The following CCDC15 variants were observed in gnomAD, a reference collection of about 807,000 sequenced individuals.
CCDC15 encodes coiled-coil domain-containing protein 15.
In CCDC15, 105 loss-of-function variants were observed where a neutral mutation model predicts 114.5. The ratio of observed to expected loss-of-function variants is 0.92; its 90% CI spans 0.78 to 1.08. CCDC15 has a LOEUF of 1.08. CCDC15 is among the 50% of genes least tolerant of loss of function. CCDC15 has a pLI of 0.00. For missense variants in CCDC15, 1,105 were observed against 1,093.6 expected (o/e 1.01, Z -0.15); for synonymous variants, 334 against 377.8 (o/e 0.88, Z 1.34).
chr11:124,986,698 TGTGCGCGCGCGC>T (rs1948163755), intron 6 of CCDC15, 32 bp from the exon 7 acceptor site: 1 of 1,436,570 alleles, frequency 7.0e-7, no homozygotes, highest in Non-Finnish European at 9.2e-7. Flanking sequence ...TGTTTGTGTG[TGTGCGCGCGCGC>T]GCGTGCGCGT....
chr11:125,011,239 A>ATTT (rs1398467750), intron 13 of CCDC15, among the ~76,000 whole-genome samples: 3,352 of 135,090 alleles, frequency 0.025, 53 homozygotes, highest in African/African-American at 0.036. Context: ...TATTATTATT[A>ATTT]TTATTATTAT....
rs774064065 is a variant in CCDC15, at chr11:124,988,158, A to G, written c.1908+24A>G. 13 of 1,584,054 alleles carry G rather than the reference A, an allele frequency of 8.2e-6. No homozygotes were observed. The South Asian group carries it at 1.5e-4, about 19-fold the overall frequency. On this transcript the variant is annotated intron_variant, in intron 8 of 15. Transcript: ENST00000344762. The stretch of plus-strand genomic sequence containing the variant: ...AGGTAAAATAGAGCAGAAAGGAGAT[A>G]CAAAAAGAAGAAATAAGCTACTTAG...
At chr11:124,995,977 G>A (rs1442405213) in intron 11 of CCDC15, among the ~76,000 whole-genome samples, 1 of 151,856 alleles carries the variant, frequency 6.6e-6, no homozygotes, top group Non-Finnish European at 1.5e-5. Flanking sequence ...CTACAGGCAT[G>A]TGCTACCAAG....
intron 6 of CCDC15, among the ~76,000 whole-genome samples, chr11:124,981,345 T>C (rs1020915345): frequency 6.6e-6 from 1 of 152,196 alleles, no homozygotes; most frequent in Admixed American, 6.5e-5. Context: ...TTCTGCCTTA[T>C]GATCTCTTTT....
At chr11:124,964,030 T>C (rs958553326) in intron 4 of CCDC15, among the ~76,000 whole-genome samples, 13 of 152,222 alleles carry the variant, frequency 8.5e-5, no homozygotes, top group Non-Finnish European at 1.6e-4. Context: ...TACCATGCTG[T>C]TTTGGTTACT....
intron 13 of CCDC15, among the ~76,000 whole-genome samples, chr11:125,011,248 A>ATTTTTTTTTTT (rs71478462): frequency 4.8e-5 from 7 of 147,212 alleles, no homozygotes; most frequent in African/African-American, 1.8e-4. Flanking sequence ...TATTATTATT[A>ATTTTTTTTTTT]TTTTTTAAGA....
intron 2 of CCDC15, among the ~76,000 whole-genome samples, 161 bp downstream of exon 2, chr11:124,955,070 G>A (rs1947525487): frequency 6.6e-6 from 1 of 152,154 alleles, no homozygotes; most frequent in South Asian, 2.1e-4. Flanking sequence ...ACAAGTATTT[G>A]CCAAAACTTG....
chr11:124,970,115 C>T (rs563731340), intron 4 of CCDC15, among the ~76,000 whole-genome samples: 1 of 152,310 alleles, frequency 6.6e-6, no homozygotes, highest in East Asian at 1.9e-4. Flanking sequence ...TCTCATTTCT[C>T]TACCATTAAC....
At position 125,038,528 on chromosome 11, in the gene CCDC15, G is replaced by C; in HGVS notation, c.2509G>C (p.Glu837Gln). ...EDPYSGEKLS[E>Q]ILAQLQLQEI... ...TCCATATTCAGGAGAGAAGTTGAGT[G>C]AGATATTAGCCCAGTTACAACTTCA... Residue 837 changes from glutamate to glutamine, a missense_variant, in exon 14 of 16, where the codon GAG (glutamate) becomes CAG (glutamine). Glu to Gln is a conservative substitution (Grantham distance 29). Coordinates refer to ENST00000344762, the MANE Select transcript of CCDC15 (RefSeq NM_025004.3). 3 of 1,588,554 alleles carry C rather than the reference G, an allele frequency of 1.9e-6. No homozygotes were observed. Among genetic ancestry groups the C allele is most frequent in the Non-Finnish European group, 2.6e-6 (3 of 1,166,398 alleles).
intron 11 of CCDC15, among the ~76,000 whole-genome samples, chr11:124,993,825 A>G (rs1454703058): frequency 6.6e-6 from 1 of 152,242 alleles, no homozygotes; most frequent in Admixed American, 6.5e-5. Flanking sequence ...ATTATTATGA[A>G]TAACAGCTTA....
chr11:125,028,189 A>G (rs923111210), intron 13 of CCDC15, among the ~76,000 whole-genome samples: 6 of 152,176 alleles, frequency 3.9e-5, no homozygotes, highest in African/African-American at 1.2e-4. Context: ...GAAGTTGGAT[A>G]ATGTGATGCC....
In CCDC15 at chr11:125,003,729, T is replaced by C. The variant is rs112798609; in HGVS notation, c.2215-138T>C. 1.3e-4 allele frequency: 75 copies of C among 566,398 alleles called. 1 individual carries two copies. Among genetic ancestry groups the C allele is most frequent in the African/African-American group, 1.2e-3 (59 of 49,792 alleles). The allele number at this position is 566,398 out of a possible 1,614,324, so 35.1% of individuals were successfully genotyped here. ...TTCATTCTTTTTTGATTTTATTCTT[T>C]ATATTCATGTTTTTTCCCCTTCTTT... On this transcript the variant is annotated intron_variant, in intron 11 of 15. Coordinates refer to ENST00000344762, the MANE Select transcript of CCDC15 (RefSeq NM_025004.3).
Position 124,959,977 on chromosome 11 carries a change from G to C in CCDC15, c.490G>C (p.Glu164Gln). The C allele has an allele frequency of 6.4e-7, 1 of 1,571,406 alleles. No individual in the cohort carries two copies. Among genetic ancestry groups the C allele is most frequent in the Non-Finnish European group, 8.6e-7 (1 of 1,156,814 alleles). Residue 164 changes from glutamate (E) to glutamine (Q), a missense_variant, in exon 4 of 16, where the codon GAA (glutamate) becomes CAA (glutamine). Transcript: ENST00000344762. ...AATAGAGGATGAAGAGAATCAGAACGAATTATTCCAACAACAAGCCCAGGC... is the reference window on the plus strand; with the variant it reads ...AATAGAGGATGAAGAGAATCAGAACCAATTATTCCAACAACAAGCCCAGGC... ...DGIEDEENQN[E>Q]LFQQQAQALS...
chr11:124,993,034 A>T (rs1000865848), intron 10 of CCDC15, 135 bp from the exon 11 acceptor site: 1 of 560,816 alleles, frequency 1.8e-6, no homozygotes, highest in Non-Finnish European at 3.1e-6. Flanking sequence ...TGTTGAACAC[A>T]CACACAGCTT....
chr11:124,963,435 GTCT>G (rs1947710365), intron 4 of CCDC15, among the ~76,000 whole-genome samples: 1 of 152,176 alleles, frequency 6.6e-6, no homozygotes, highest in Admixed American at 6.5e-5. Context: ...CTGCATAAGT[GTCT>G]TCTTTTGAGA....
intron 2 of CCDC15, among the ~76,000 whole-genome samples, chr11:124,958,561 A>C (rs972584949): frequency 2.0e-5 from 3 of 152,242 alleles, no homozygotes; most frequent in Non-Finnish European, 4.4e-5. Flanking sequence ...AATAAAGGAG[A>C]ATTGAATACA....
At chr11:124,992,501 C>G in intron 9 of CCDC15, 79 bp from the exon 10 acceptor site, 1 of 793,374 alleles carries the variant, frequency 1.3e-6, no homozygotes, top group Non-Finnish European at 2.0e-6. Context: ...GGAGTTTTCA[C>G]TGAAGCTTAT....
At chr11:124,997,412 C>T (rs1219126705) in intron 11 of CCDC15, among the ~76,000 whole-genome samples, 1 of 152,122 alleles carries the variant, frequency 6.6e-6, no homozygotes, top group Non-Finnish European at 1.5e-5. Context: ...GCCTCAGCCT[C>T]CTAAGTAGCT....
Position 124,987,854 on chromosome 11 carries a change from ACCAGCATGTTCTCC to A in CCDC15, c.1632_1645del (p.His545ArgfsTer46). On this transcript the variant is annotated frameshift_variant, in exon 8 of 16. Coordinates refer to ENST00000344762, the MANE Select transcript of CCDC15 (RefSeq NM_025004.3). LOFTEE classifies it high-confidence loss of function. Reference sequence around the variant, plus strand: ...AAAGACCAGGACTTTTTATCTAGAGACCAGCATGTTCTCCCCAAAGACTGGAATATTCTACCCAA... The same window carrying A: ...AAAGACCAGGACTTTTTATCTAGAGACCAAAGACTGGAATATTCTACCCAA... The A allele has an allele frequency of 1.2e-6, 2 of 1,614,026 alleles. No individual in the cohort carries two copies. Among genetic ancestry groups the A allele is most frequent in the South Asian group, 2.2e-5 (2 of 91,080 alleles).
Sources: allele counts gnomAD v4.1 joint callset (sites outside exome capture counted in the v4.1 genomes callset), GRCh38; gene constraint gnomAD v4.1.1; transcripts MANE v1.5; gene names NCBI Gene and HGNC (gene_info 2026-07-23, HGNC 2026-07-21).